NELL1: variants seen among roughly 807,000 people sequenced by gnomAD.
NELL1 encodes the protein neural EGFL like 1, also known as protein kinase C-binding protein NELL1.
Under a neutral mutation model 107.4 loss-of-function variants are expected in NELL1, and 76 were observed. The ratio of observed to expected loss-of-function variants is 0.71; its 90% CI spans 0.59 to 0.86. The LOEUF is 0.86. Among genes scored for constraint, NELL1 ranks in the 40% least tolerant of loss-of-function variants. The pLI is 0.00. For synonymous variants in NELL1, 353 were observed against 341.2 expected (o/e 1.03, Z -0.38); for missense variants, 1,024 against 1,005.5 (o/e 1.02, Z -0.25).
intron 13 of NELL1, among the ~76,000 whole-genome samples, chr11:21,133,500 A>G (rs909896010): frequency 6.6e-6 from 1 of 151,994 alleles, no homozygotes; most frequent in Admixed American, 6.5e-5. Flanking sequence ...GGGTGCCTGC[A>G]GGCCCCCACC....
chr11:21,116,178 A>G (rs1485308913), intron 13 of NELL1, among the ~76,000 whole-genome samples: 4 of 152,038 alleles, frequency 2.6e-5, no homozygotes, highest in Non-Finnish European at 5.9e-5. Context: ...AGCATTTAGC[A>G]GGGCTGACCA....
At chr11:21,574,833 C>A in intron 19 of NELL1, 139 bp from the exon 20 acceptor site, 2 of 672,572 alleles carry the variant, frequency 3.0e-6, no homozygotes, top group Non-Finnish European at 5.1e-6. Flanking sequence ...TTTTTCCTAG[C>A]ATTTTTTTCT....
chr11:21,423,417 A>T (rs1852741754), intron 15 of NELL1, among the ~76,000 whole-genome samples: 1 of 152,158 alleles, frequency 6.6e-6, no homozygotes, highest in African/African-American at 2.4e-5. Context: ...TAAAAGTTTC[A>T]ATATAACATG....
At chr11:21,296,290 A>G (rs1849374197) in intron 14 of NELL1, among the ~76,000 whole-genome samples, 2 of 151,954 alleles carry the variant, frequency 1.3e-5, no homozygotes, top group African/African-American at 4.8e-5. Context: ...TCTGGAGAAT[A>G]AATTTTAAAA....
chr11:20,914,103 C>A (rs961748342), intron 5 of NELL1, among the ~76,000 whole-genome samples: 2 of 152,052 alleles, frequency 1.3e-5, no homozygotes, highest in Non-Finnish European at 2.9e-5. Flanking sequence ...AGTGACCCAG[C>A]ACTGGTTTTG....
intron 15 of NELL1, among the ~76,000 whole-genome samples, chr11:21,386,013 A>G (rs1367409605): frequency 1.3e-5 from 2 of 151,830 alleles, no homozygotes; most frequent in African/African-American, 4.8e-5. Flanking sequence ...TCCTTGCTCA[A>G]GATTAGGTTC....
At chr11:21,232,181 T>TATATATATATATATATATATATATATTA (rs1375976378) in intron 14 of NELL1, among the ~76,000 whole-genome samples, 1 of 131,996 alleles carries the variant, frequency 7.6e-6, no homozygotes, top group Non-Finnish European at 1.6e-5. Flanking sequence ...TATATATAAA[T>TATATATATATATATATATATATATATTA]TAGCTGGGCG....
At chr11:21,539,671 C>T (rs894863157) in intron 16 of NELL1, among the ~76,000 whole-genome samples, 3 of 150,962 alleles carry the variant, frequency 2.0e-5, no homozygotes, top group African/African-American at 7.3e-5. Context: ...CTCTTCTGTT[C>T]GTCTGCTCAT....
At chr11:21,163,357 G>A (rs1302386979) in intron 13 of NELL1, among the ~76,000 whole-genome samples, 1 of 152,178 alleles carries the variant, frequency 6.6e-6, no homozygotes, top group Non-Finnish European at 1.5e-5. Context: ...ATGATCTAGA[G>A]ACAGATTGTT....
chr11:20,721,240 A>ATATATG (rs1554906619), intron 2 of NELL1, among the ~76,000 whole-genome samples: 1 of 142,956 alleles, frequency 7.0e-6, no homozygotes, highest in Non-Finnish European at 1.5e-5. Flanking sequence ...TTGTTTATAT[A>ATATATG]TATATATATT....
chr11:21,568,628 T>A (rs187121039), intron 17 of NELL1, among the ~76,000 whole-genome samples: 1 of 151,950 alleles, frequency 6.6e-6, no homozygotes, highest in African/African-American at 2.4e-5. Context: ...TTTTTCTAAT[T>A]TTTTAAAACT....
intron 2 of NELL1, among the ~76,000 whole-genome samples, chr11:20,747,506 A>G (rs1856031565): frequency 6.6e-6 from 1 of 152,202 alleles, no homozygotes; most frequent in South Asian, 2.1e-4. Context: ...TAAATTATAA[A>G]GAAAAGTAAT....
At chr11:21,311,784 A>G (rs1849754727) in intron 14 of NELL1, among the ~76,000 whole-genome samples, 2 of 152,170 alleles carry the variant, frequency 1.3e-5, no homozygotes, top group Non-Finnish European at 1.5e-5. Context: ...TAATTCTCTC[A>G]AACTCAGAGG....
At chr11:20,859,342 A>G (rs1848936896) in intron 4 of NELL1, among the ~76,000 whole-genome samples, 2 of 152,220 alleles carry the variant, frequency 1.3e-5, no homozygotes, top group African/African-American at 4.8e-5. Flanking sequence ...TTTTAGATTC[A>G]AAGACTCCCT....
At chr11:21,240,799 C>T (rs1858337483) in intron 14 of NELL1, among the ~76,000 whole-genome samples, 1 of 151,560 alleles carries the variant, frequency 6.6e-6, no homozygotes, top group Admixed American at 6.6e-5. Flanking sequence ...ATTGGATGCG[C>T]TTAAAACACT....
intron 14 of NELL1, among the ~76,000 whole-genome samples, chr11:21,247,866 C>G (rs1858534116): frequency 6.6e-6 from 1 of 152,126 alleles, no homozygotes. Flanking sequence ...ACATTATGAC[C>G]AATAGGAATT....
rs542922991 is a variant in NELL1, at chr11:21,109,523, A to G, written c.1301-4066A>G. Among the ~76,000 whole-genome samples, 5 of 152,212 alleles carry G rather than the reference A, an allele frequency of 3.3e-5. No homozygotes were observed. In the East Asian group the frequency reaches 7.8e-4, roughly 24 times the overall value. The stretch of plus-strand genomic sequence containing the variant: ...TGGATGAATATGACCATTGCTCAAG[A>G]TATCTGCTTCAGGCAGAGTACTGTC... On this transcript the variant is annotated intron_variant, in intron 12 of 19. Coordinates refer to ENST00000357134, the MANE Select transcript of NELL1 (RefSeq NM_006157.5).
Position 21,167,990 on chromosome 11 carries a change from G to T in NELL1, c.1426+54276G>T, listed in dbSNP as rs560213164. The stretch of plus-strand genomic sequence containing the variant: ...TACTCACCAGAATCTGTAATAGTTT[G>T]CTCATTGACTTGCACATTTATTTAT... On this transcript the variant is annotated intron_variant, in intron 13 of 19. Transcript: ENST00000357134. Among the ~76,000 whole-genome samples the T allele has an allele frequency of 1.0e-3, 159 of 151,656 alleles. 3 individuals carry two copies. Among genetic ancestry groups the T allele is most frequent in the African/African-American group, 3.8e-3 (155 of 41,100 alleles).
At chr11:20,840,666 T>C (rs759965956) in intron 3 of NELL1, among the ~76,000 whole-genome samples, 2 of 152,246 alleles carry the variant, frequency 1.3e-5, no homozygotes, top group Non-Finnish European at 2.9e-5. Flanking sequence ...ACAAGTGTTC[T>C]GGTAAACAAG....
Sources: gnomAD v4.1 joint callset for allele counts (sites outside exome capture counted in the v4.1 genomes callset) on GRCh38, gnomAD v4.1.1 for gene constraint, MANE v1.5 for transcripts, NCBI Gene and HGNC (gene_info 2026-07-23, HGNC 2026-07-21) for gene names.